RIPPLY2: variants seen among roughly 807,000 people sequenced by gnomAD.
RIPPLY2 encodes the protein ripply transcriptional repressor 2.
RIPPLY2 carries 20 observed loss-of-function variants against 17.7 expected under a neutral mutation model. The observed-to-expected ratio is 1.13, with a 90% confidence interval of 0.79 to 1.64. The LOEUF (loss-of-function observed/expected upper bound fraction) is 1.64, where lower values mean the gene tolerates loss of function less well. Among genes scored for constraint, RIPPLY2 ranks in the 40% most tolerant of loss-of-function variants. RIPPLY2 has a pLI of 0.00. For synonymous variants in RIPPLY2, 69 were observed against 63.9 expected, an observed-to-expected ratio of 1.08 and a Z score of -0.38; for missense variants, 213 against 169.8, an observed-to-expected ratio of 1.25 and a Z score of -1.41.
rs2099455119 is a variant in RIPPLY2, at chr6:83,857,221, C to T, written c.240-21C>T. 4 of 1,437,322 alleles carry T rather than the reference C, an allele frequency of 2.8e-6. No homozygotes were observed. The South Asian group carries it at 6.2e-5, about 22-fold the overall frequency. 89.0% of individuals were successfully genotyped at this position (1,437,322 alleles called of 1,614,324 possible). A position where few individuals can be genotyped will look rare whatever the true frequency, so the allele number is the denominator to read the frequency against. On this transcript the variant is annotated intron_variant, in intron 3 of 3. Coordinates refer to ENST00000369689, the MANE Select transcript of RIPPLY2 (RefSeq NM_001009994.3). The stretch of plus-strand genomic sequence containing the variant: ...AGATCCTGAATGTGAAAAAATAAAA[C>T]ATGTTGTCTGCTTCTTTCAGACTAT...
At chr6:83,857,145 C>A in intron 3 of RIPPLY2, 97 bp from the exon 4 acceptor site, 1 of 752,398 alleles carries the variant, frequency 1.3e-6, no homozygotes, top group Non-Finnish European at 2.0e-6. Flanking sequence ...ATGTATAAGT[C>A]AATTGTTAAA....
chr6:83,853,395 T>C lies in RIPPLY2; in HGVS notation c.-22T>C. The stretch of plus-strand genomic sequence containing the variant: ...GATTGCCCGCGAGCTGGCAGCGGCC[T>C]TCCGCCCAGCTCTGCGGCGTCATGG... On this transcript the variant is annotated 5_prime_UTR_variant, in exon 1 of 4. Transcript: ENST00000369689. 2.6e-6 allele frequency: 4 copies of C among 1,538,108 alleles called. No homozygotes were observed. Among genetic ancestry groups the C allele is most frequent in the Non-Finnish European group, 3.5e-6 (4 of 1,143,676 alleles).
intron 2 of RIPPLY2, 52 bp downstream of exon 2, chr6:83,853,825 A>T: frequency 6.6e-7 from 1 of 1,510,634 alleles, no homozygotes. Flanking sequence ...CAGAAGATCG[A>T]CCAGGGCTCT....
chr6:83,854,927 T>A (rs941554744), intron 3 of RIPPLY2: 3 of 152,298 alleles, frequency 2.0e-5, no homozygotes, highest in Non-Finnish European at 4.4e-5. Flanking sequence ...AGTGTTGTAA[T>A]GGAATTTAGT....
chr6:83,855,784 G>A (rs2129125470), intron 3 of RIPPLY2: 1 of 152,334 alleles, frequency 6.6e-6, no homozygotes, highest in East Asian at 1.9e-4. Context: ...TGTTTAGAGG[G>A]AGGGCTGATG....
At position 83,857,284 on chromosome 6, in the gene RIPPLY2, A is replaced by C; in HGVS notation, c.282A>C (p.Gln94His). 6.4e-7 allele frequency: 1 copy of C among 1,551,294 alleles called. No homozygotes were observed. Among genetic ancestry groups the C allele is most frequent in the Non-Finnish European group, 8.7e-7 (1 of 1,152,492 alleles). ...PKSKCYDYLYQEAEALLKNFP... is the reference protein window; with the variant it reads ...PKSKCYDYLYHEAEALLKNFP... ...CAAAATGTTATGATTACTTATATCAAGAAGCAGAAGCTCTTCTGAAAAATT... is the reference window on the plus strand; with the variant it reads ...CAAAATGTTATGATTACTTATATCACGAAGCAGAAGCTCTTCTGAAAAATT... Residue 94 changes from glutamine to histidine, a missense_variant, in exon 4 of 4, where the codon CAA (glutamine) becomes CAC (histidine). Physicochemically the swap from Gln to His is conservative, Grantham distance 24. Coordinates refer to ENST00000369689, the MANE Select transcript of RIPPLY2 (RefSeq NM_001009994.3).
chr6:83,853,377 C>T lies in RIPPLY2; in HGVS notation c.-40C>T, dbSNP rs200603790. On this transcript the variant is annotated 5_prime_UTR_variant, in exon 1 of 4. Transcript: ENST00000369689. ...CCTACTGGAACTGGTCAAGATTGCC[C>T]GCGAGCTGGCAGCGGCCTTCCGCCC... The T allele has an allele frequency of 3.3e-6, 5 of 1,513,284 alleles. No individual in the cohort carries two copies. The highest frequency in any genetic ancestry group is 3.6e-6 in the Non-Finnish European group (4 of 1,124,390). 93.7% of individuals were successfully genotyped at this position (1,513,284 alleles called of 1,614,324 possible).
chr6:83,854,569 T>C (rs1442723301), intron 3 of RIPPLY2: 3 of 180,272 alleles, frequency 1.7e-5, no homozygotes, highest in East Asian at 2.8e-4. Context: ...ACAGTTACAG[T>C]CTTACAAGTT....
intron 2 of RIPPLY2, 148 bp downstream of exon 2, chr6:83,853,921 C>T: frequency 1.0e-6 from 1 of 987,178 alleles, no homozygotes. Flanking sequence ...CATAAAGGTG[C>T]CGACGCGGCG....
At chr6:83,853,920 G>C (rs1430868255) in intron 2 of RIPPLY2, 147 bp downstream of exon 2, 4 of 985,110 alleles carry the variant, frequency 4.1e-6, no homozygotes, top group Non-Finnish European at 4.6e-6. Flanking sequence ...CCATAAAGGT[G>C]CCGACGCGGC....
At chr6:83,853,612 G>C (rs2099454541) in intron 1 of RIPPLY2, 83 bp from the exon 2 acceptor site, 2 of 1,555,474 alleles carry the variant, frequency 1.3e-6, no homozygotes, top group Non-Finnish European at 1.7e-6. Flanking sequence ...CCCACTGCCC[G>C]GTGCCAGCGC....
chr6:83,853,920 G>A, intron 2 of RIPPLY2, 147 bp downstream of exon 2: 2 of 985,230 alleles, frequency 2.0e-6, no homozygotes, highest in Middle Eastern at 3.0e-4. Context: ...CCATAAAGGT[G>A]CCGACGCGGC....
Position 83,853,445 on chromosome 6 carries a change from CAG to C in RIPPLY2, c.34_35del (p.Ser12TrpfsTer78), listed in dbSNP as rs2099454506. 1.3e-6 allele frequency: 2 copies of C among 1,543,956 alleles called. No individual in the cohort carries two copies. The highest frequency in any genetic ancestry group is 1.7e-6 in the Non-Finnish European group (2 of 1,146,578). ...GAGAACGCGGGAGGCGCAGAGGGTA[CAG>C]AGAGTGGAGCTGCGGCGTGCGCGGC... On this transcript the variant is annotated frameshift_variant, in exon 1 of 4. Transcript: ENST00000369689. LOFTEE classifies it high-confidence loss of function.
intron 3 of RIPPLY2, chr6:83,855,906 G>A (rs557599747): frequency 6.6e-6 from 1 of 152,158 alleles, no homozygotes; most frequent in African/African-American, 2.4e-5. Context: ...AAAAGTATGC[G>A]GGCCCTGGGA....
At position 83,853,507 on chromosome 6, in the gene RIPPLY2, T is replaced by G; in HGVS notation, c.91T>G (p.Ser31Ala). The G allele has an allele frequency of 2.6e-6, 4 of 1,538,516 alleles. No individual in the cohort carries two copies. Among genetic ancestry groups the G allele is most frequent in the Non-Finnish European group, 2.6e-6 (3 of 1,145,458 alleles). ...CCCTACGCGGCGCGCGGGCGCGGAC[T>G]CCGGGTAGGCTTCCCCGCGCTGCTC... is the stretch of plus-strand genomic sequence containing the variant. Reference protein sequence around the residue: ...DGPTRRAGADSGYAGFWRPWV... With the variant: ...DGPTRRAGADAGYAGFWRPWV... Residue 31 changes from serine to alanine, a missense_variant, in exon 1 of 4, where the codon TCC becomes GCC. Ser to Ala is a moderately conservative substitution (Grantham distance 99). Transcript: ENST00000369689.
chr6:83,854,344 C>A (rs1338427790), intron 3 of RIPPLY2, 183 bp downstream of exon 3: 3 of 612,634 alleles, frequency 4.9e-6, no homozygotes, highest in Non-Finnish European at 8.7e-6. Context: ...CACGGTCCCA[C>A]GTAAAGGGAC....
chr6:83,855,911 C>T (rs571618834), intron 3 of RIPPLY2: 1 of 152,220 alleles, frequency 6.6e-6, no homozygotes, highest in South Asian at 2.1e-4. Context: ...TATGCGGGCC[C>T]TGGGAGAAAA....
At chr6:83,854,744 A>G (rs1203902044) in intron 3 of RIPPLY2, 1 of 153,178 alleles carries the variant, frequency 6.5e-6, no homozygotes, top group African/African-American at 2.4e-5. Context: ...TTCAGGTGAA[A>G]TGTTAAGAAT....
At chr6:83,857,190 G>A (rs2099455114) in intron 3 of RIPPLY2, 52 bp from the exon 4 acceptor site, 10 of 1,301,416 alleles carry the variant, frequency 7.7e-6, no homozygotes, top group Non-Finnish European at 7.2e-6. Flanking sequence ...CATTTCATGA[G>A]TTTAAAGATC....
Sources: gnomAD v4.1 joint callset for allele counts on GRCh38, gnomAD v4.1.1 for gene constraint, MANE v1.5 for transcripts, NCBI Gene and HGNC (gene_info 2026-07-23, HGNC 2026-07-21) for gene names.